TBXAS1: variants seen among roughly 807,000 people sequenced by gnomAD.
TBXAS1 encodes thromboxane A synthase 1.
TBXAS1 carries 48 observed loss-of-function variants against 60.7 expected under a neutral mutation model. That is an observed-to-expected ratio of 0.79 (90% CI 0.63 to 1.01). The LOEUF (loss-of-function observed/expected upper bound fraction) is 1.01. TBXAS1 is among the 50% of genes least tolerant of loss of function. The probability of loss-of-function intolerance (pLI) is 0.00; values close to 1 mark genes in which losing one functional copy is unlikely to be tolerated. For missense variants in TBXAS1, 685 were observed against 686.3 expected (o/e 1.00, Z 0.02); for synonymous variants, 287 against 269.7 (o/e 1.06, Z -0.63).
At chr7:139,794,892 A>G (rs1351677264) in intron 4 of TBXAS1, among the ~76,000 whole-genome samples, 3 of 146,688 alleles carry the variant, frequency 2.0e-5, no homozygotes, top group Non-Finnish European at 3.0e-5. Flanking sequence ...TATGTGCCAC[A>G]TTTTCTTAAT....
At chr7:139,998,210 G>T (rs899702858) in intron 9 of TBXAS1, among the ~76,000 whole-genome samples, 1 of 152,244 alleles carries the variant, frequency 6.6e-6, no homozygotes, top group African/African-American at 2.4e-5. Context: ...GGTTACTACT[G>T]AGGGGCATGT....
chr7:139,797,525 C>A lies in TBXAS1; in HGVS notation c.-80+10099C>A, dbSNP rs41308873. On this transcript the variant is annotated intron_variant, in intron 4 of 16. Transcript: ENST00000336425. ...AGTCTTGTTATTCCATCCATCTTCA[C>A]AAAGACTATAAACTAACTTCACCAT... is the stretch of plus-strand genomic sequence containing the variant. 1.7e-3 allele frequency: 263 copies of A among 152,310 alleles called. 2 individuals carry two copies. The highest frequency in any genetic ancestry group is 6.1e-3 in the African/African-American group (253 of 41,564). 9.4% of individuals were successfully genotyped at this position (152,310 alleles called of 1,614,324 possible). A position where few individuals can be genotyped will look rare whatever the true frequency, so the allele number is the denominator to read the frequency against.
intron 1 of TBXAS1, among the ~76,000 whole-genome samples, chr7:139,845,357 C>T (rs898095109): frequency 6.6e-6 from 1 of 152,168 alleles, no homozygotes; most frequent in Non-Finnish European, 1.5e-5. Context: ...CACCTGGTGC[C>T]TGGCTCCCAG....
At chr7:139,833,657 C>T (rs1024904837) in intron 1 of TBXAS1, among the ~76,000 whole-genome samples, 1 of 151,690 alleles carries the variant, frequency 6.6e-6, no homozygotes, top group African/African-American at 2.4e-5. Context: ...TGCACTCTAG[C>T]CTGTGTGACA....
intron 1 of TBXAS1, among the ~76,000 whole-genome samples, chr7:139,831,192 GAC>G (rs1798678403): frequency 1.3e-5 from 2 of 152,204 alleles, no homozygotes. Flanking sequence ...AGGCAGGGGA[GAC>G]ACAGAGGTTC....
At chr7:139,945,885 A>C (rs2117260139) in intron 5 of TBXAS1, among the ~76,000 whole-genome samples, 1 of 152,302 alleles carries the variant, frequency 6.6e-6, no homozygotes, top group East Asian at 1.9e-4. Context: ...TGAAGGCTTG[A>C]CTGGGGGAAG....
chr7:139,890,403 G>T (rs1803500688), intron 3 of TBXAS1, among the ~76,000 whole-genome samples: 1 of 152,086 alleles, frequency 6.6e-6, no homozygotes, highest in South Asian at 2.1e-4. Context: ...TTTTAGGAGA[G>T]ACGGGGTTTC....
At chr7:139,869,043 C>T (rs920831490) in intron 1 of TBXAS1, among the ~76,000 whole-genome samples, 1 of 152,110 alleles carries the variant, frequency 6.6e-6, no homozygotes, top group African/African-American at 2.4e-5. Context: ...AAATAATTGT[C>T]CTACCTTGGC....
intron 4 of TBXAS1, among the ~76,000 whole-genome samples, chr7:139,788,855 G>C (rs1242030786): frequency 6.6e-6 from 1 of 152,250 alleles, no homozygotes; most frequent in African/African-American, 2.4e-5. Context: ...CTGGACTGGG[G>C]AGGGCCTTTA....
chr7:139,896,283 G>GGGTC lies in TBXAS1; in HGVS notation c.237-14941_237-14938dup, dbSNP rs918275037. Among the ~76,000 whole-genome samples the GGGTC allele has an allele frequency of 2.0e-4, 31 of 152,280 alleles. No homozygotes were observed. The highest frequency in any genetic ancestry group is 7.5e-4 in the African/African-American group (31 of 41,556). On this transcript the variant is annotated intron_variant, in intron 3 of 12. Transcript: ENST00000448866. This position sits in a 1 kb window ranked among gnomAD's most constrained non-coding sequence, Gnocchi z 4.0. ...TGCCACAGAAACTACAAGGAGCGAA[G>GGGTC]GGTCCATGAAGCCTTCACAAAGAGG...
chr7:139,906,834 A>G (rs562567537), intron 3 of TBXAS1, among the ~76,000 whole-genome samples: 1 of 152,302 alleles, frequency 6.6e-6, no homozygotes, highest in East Asian at 1.9e-4. Flanking sequence ...TTTGGTTTAC[A>G]CATGTTCATT....
Position 139,875,882 on chromosome 7 carries a change from C to T in TBXAS1, c.236+245C>T, listed in dbSNP as rs765481341. On this transcript the variant is annotated intron_variant, in intron 3 of 12. Coordinates refer to ENST00000448866, the MANE Select transcript of TBXAS1 (RefSeq NM_001061.7). Reference sequence around the variant, plus strand: ...AAAGAGTACCACTTTCCAGCCTTTGCAGCCTTGCTGGGCTGGGCACAGCAT... The same window carrying T: ...AAAGAGTACCACTTTCCAGCCTTTGTAGCCTTGCTGGGCTGGGCACAGCAT... The T allele has an allele frequency of 3.0e-4, 167 of 554,516 alleles. 1 individual carries two copies. In the Middle Eastern group the frequency reaches 0.014, roughly 47 times the overall value. 34.3% of individuals were successfully genotyped at this position (554,516 alleles called of 1,614,324 possible).
At chr7:139,955,630 G>C in intron 7 of TBXAS1, 23 bp downstream of exon 7, 1 of 1,613,372 alleles carries the variant, frequency 6.2e-7, no homozygotes, top group South Asian at 1.1e-5. Flanking sequence ...GCAGCCCGGG[G>C]CGCTGCGATG....
chr7:139,952,529 T>G (rs1442351451), intron 5 of TBXAS1: 3 of 1,535,958 alleles, frequency 2.0e-6, no homozygotes, highest in Admixed American at 2.0e-5. Context: ...GCGAATAAAA[T>G]GATTCTGCTC....
chr7:140,009,798 C>T (rs1258996454), intron 10 of TBXAS1, among the ~76,000 whole-genome samples: 3 of 132,840 alleles, frequency 2.3e-5, no homozygotes, highest in Admixed American at 7.5e-5. Context: ...ACCTGCCCCA[C>T]ACCTCCATGC....
intron 9 of TBXAS1, among the ~76,000 whole-genome samples, chr7:140,005,096 G>A (rs907048442): frequency 2.0e-5 from 3 of 152,242 alleles, no homozygotes; most frequent in African/African-American, 7.2e-5. Context: ...GCCACAGGTG[G>A]AGCCATGCAT....
chr7:139,831,693 AG>A (rs1798712758), intron 1 of TBXAS1, among the ~76,000 whole-genome samples: 1 of 152,210 alleles, frequency 6.6e-6, no homozygotes, highest in Non-Finnish European at 1.5e-5. Flanking sequence ...GCACTTTGGG[AG>A]GCCAAGGCAG....
intron 6 of TBXAS1, among the ~76,000 whole-genome samples, chr7:139,955,194 G>A (rs928221869): frequency 6.6e-6 from 1 of 152,130 alleles, no homozygotes; most frequent in African/African-American, 2.4e-5. Context: ...GGAAGAGGCT[G>A]TGCCCTCCTC....
chr7:139,840,600 C>T (rs879824385), intron 1 of TBXAS1, among the ~76,000 whole-genome samples: 1 of 152,014 alleles, frequency 6.6e-6, no homozygotes, highest in South Asian at 2.1e-4. Context: ...AAACGGCGGT[C>T]GGATGCATTG....
Sources: allele counts gnomAD v4.1 joint callset (sites outside exome capture counted in the v4.1 genomes callset), GRCh38; gene constraint gnomAD v4.1.1; non-coding constraint Gnocchi (gnomAD v3.1); transcripts MANE v1.5; gene names NCBI Gene and HGNC (gene_info 2026-07-23, HGNC 2026-07-21).